ITPR1: variants seen among roughly 807,000 people sequenced by gnomAD.
ITPR1 encodes inositol 1,4,5-trisphosphate receptor type 1, also known as inositol 1,4,5-trisphosphate-gated calcium channel ITPR1.
ITPR1 carries 96 observed loss-of-function variants against 318.4 expected under a neutral mutation model. That is an observed-to-expected ratio of 0.30 (90% CI 0.26 to 0.36). The LOEUF is 0.36. Among genes scored for constraint, ITPR1 ranks in the 10% least tolerant of loss-of-function variants. The probability of loss-of-function intolerance (pLI) is 1.00; values close to 1 mark genes in which losing one functional copy is unlikely to be tolerated. For synonymous variants in ITPR1, 1,312 were observed against 1,289.9 expected (o/e 1.02, Z -0.37); for missense variants, 2,440 against 3,460.2 (o/e 0.71, Z 7.40).
At chr3:4,641,117 T>C (rs1481432443) in intron 6 of ITPR1, among the ~76,000 whole-genome samples, 2 of 152,214 alleles carry the variant, frequency 1.3e-5, no homozygotes, top group African/African-American at 4.8e-5. Flanking sequence ...TGGAGTCTTT[T>C]GCTGGTTGTA....
intron 44 of ITPR1, among the ~76,000 whole-genome samples, chr3:4,737,780 G>A (rs1163887594): frequency 6.6e-6 from 1 of 152,210 alleles, no homozygotes; most frequent in Non-Finnish European, 1.5e-5. Context: ...TTCATATCTT[G>A]GGAGAGGATA....
rs748915892 is a variant in ITPR1 at position 4,697,067 on chromosome 3, C to T, written c.4282-80C>T. 1.5e-5 allele frequency: 20 copies of T among 1,332,026 alleles called. No homozygotes were observed. In the Admixed American group the frequency reaches 2.5e-4, roughly 17 times the overall value. 82.5% of individuals were successfully genotyped at this position (1,332,026 alleles called of 1,614,324 possible). On this transcript the variant is annotated intron_variant, in intron 33 of 61. Transcript: ENST00000649015. ...AATGGGATGACCATTTTCATCGGTCCTTGCTGTGAAGTTGAGGCAGCTAAT... is the reference window on the plus strand; with the variant it reads ...AATGGGATGACCATTTTCATCGGTCTTTGCTGTGAAGTTGAGGCAGCTAAT...
intron 52 of ITPR1, among the ~76,000 whole-genome samples, chr3:4,791,204 CTTCTTTTTGCT>C (rs2047531532): frequency 1.3e-5 from 2 of 152,206 alleles, no homozygotes; most frequent in Admixed American, 1.3e-4. Flanking sequence ...CACAGCACTC[CTTCTTTTTGCT>C]ATAATGTAGC....
Position 4,582,646 on chromosome 3 carries a change from C to G in ITPR1, c.164-45117C>G, listed in dbSNP as rs17040959. Reference sequence around the variant, plus strand: ...GAGGATTCATTCTGGAACAGACTAGCAATTGACTGGACAACGTATTCTTTC... The same window carrying G: ...GAGGATTCATTCTGGAACAGACTAGGAATTGACTGGACAACGTATTCTTTC... On this transcript the variant is annotated intron_variant, in intron 4 of 61. Coordinates refer to ENST00000649015, the MANE Select transcript of ITPR1 (RefSeq NM_001378452.1). Among the ~76,000 whole-genome samples the G allele has an allele frequency of 9.3e-3, 1,422 of 152,328 alleles. 13 individuals are homozygous for G. Among genetic ancestry groups the G allele is most frequent in the Non-Finnish European group, 0.015 (1,048 of 68,032 alleles).
rs56096727 is a variant in ITPR1, at chr3:4,840,029, CTTTTTTTTTTTTTTTTTT to C, written c.8190+3106_8190+3123del. On this transcript the variant is annotated intron_variant, in intron 61 of 61. Coordinates refer to ENST00000649015, the MANE Select transcript of ITPR1 (RefSeq NM_001378452.1). ...TTACAGGAAAAATTCAGCATAGCTGCTTTTTTTTTTTTTTTTTTTTTTTTTTTTTGAGGGGGCAGGGGG... is the reference window on the plus strand; with the variant it reads ...TTACAGGAAAAATTCAGCATAGCTGCTTTTTTTTTTTGAGGGGGCAGGGGG... Among the ~76,000 whole-genome samples the C allele has an allele frequency of 6.2e-4, 65 of 104,904 alleles. 1 individual carries two copies. The highest frequency in any genetic ancestry group is 2.4e-3 in the African/African-American group (59 of 24,950). 68.8% of individuals were successfully genotyped at this position (104,904 alleles called of 152,430 possible).
At chr3:4,557,819 TA>T (rs1300756480) in intron 4 of ITPR1, among the ~76,000 whole-genome samples, 1 of 152,210 alleles carries the variant, frequency 6.6e-6, no homozygotes, top group Non-Finnish European at 1.5e-5. Context: ...AATGTAAATG[TA>T]ATTAGAGTTT....
intron 44 of ITPR1, among the ~76,000 whole-genome samples, chr3:4,757,517 G>A (rs1431225316): frequency 1.3e-5 from 2 of 152,184 alleles, no homozygotes; most frequent in Admixed American, 1.3e-4. Flanking sequence ...GTTCAGAACA[G>A]GACAGACTCT....
At chr3:4,601,067 T>A (rs1394153796) in intron 4 of ITPR1, among the ~76,000 whole-genome samples, 1 of 152,106 alleles carries the variant, frequency 6.6e-6, no homozygotes, top group Non-Finnish European at 1.5e-5. Flanking sequence ...GGAGAGGGTT[T>A]GGTAGACATG....
intron 4 of ITPR1, among the ~76,000 whole-genome samples, chr3:4,609,520 C>T (rs1013346613): frequency 2.0e-5 from 3 of 152,030 alleles, no homozygotes; most frequent in African/African-American, 4.8e-5. Flanking sequence ...ATTAGGGGTA[C>T]GTTGAATATG....
intron 44 of ITPR1, among the ~76,000 whole-genome samples, chr3:4,755,853 G>A (rs1438028236): frequency 2.6e-5 from 4 of 152,168 alleles, no homozygotes; most frequent in Admixed American, 2.6e-4. Flanking sequence ...TCAGACAAAT[G>A]AAATTGAAAT....
chr3:4,838,420 C>T (rs987788421), intron 61 of ITPR1, among the ~76,000 whole-genome samples: 1 of 150,892 alleles, frequency 6.6e-6, no homozygotes, highest in Non-Finnish European at 1.5e-5. Flanking sequence ...TCTGGCACTG[C>T]CCCCCCAACC....
intron 44 of ITPR1, among the ~76,000 whole-genome samples, chr3:4,749,003 G>A (rs1010772805): frequency 1.3e-5 from 2 of 152,220 alleles, no homozygotes; most frequent in African/African-American, 4.8e-5. Context: ...TTGGCTGACA[G>A]ATGGGCTGAT....
intron 44 of ITPR1, among the ~76,000 whole-genome samples, chr3:4,762,760 G>A (rs2045540668): frequency 6.6e-6 from 1 of 152,152 alleles, no homozygotes; most frequent in Non-Finnish European, 1.5e-5. Context: ...CCTCTGTTAA[G>A]AAACACCTTC....
chr3:4,578,908 C>T (rs556979480), intron 4 of ITPR1, among the ~76,000 whole-genome samples: 1 of 152,268 alleles, frequency 6.6e-6, no homozygotes, highest in East Asian at 1.9e-4. Context: ...AGAGAGGGGG[C>T]CCCACAGGGT....
At chr3:4,650,997 T>G (rs1203432278) in intron 10 of ITPR1, among the ~76,000 whole-genome samples, 1 of 152,170 alleles carries the variant, frequency 6.6e-6, no homozygotes, top group Admixed American at 6.5e-5. Context: ...AAGGCTTATT[T>G]TCAAGCTTTA....
chr3:4,766,577 C>G lies in ITPR1; in HGVS notation c.5592C>G (p.Phe1864Leu). The change falls in exon 45 of 62, where the codon TTC becomes TTG. Residue 1864 changes from phenylalanine to leucine, a missense_variant. By Grantham distance (22) the Phe-to-Leu change is conservative. This residue lies in a region of ITPR1 where 80 missense variants were observed against 122.0 expected (regional missense o/e 0.66). Coordinates refer to ENST00000649015, the MANE Select transcript of ITPR1 (RefSeq NM_001378452.1). ...RLTEDKKSEK[F>L]FKVFYDRMKV... ...CAGAAGATAAGAAGTCAGAGAAATTCTTTAAGGTGTTTTATGACCGGATGA... is the reference window on the plus strand; with the variant it reads ...CAGAAGATAAGAAGTCAGAGAAATTGTTTAAGGTGTTTTATGACCGGATGA... 1 of 1,613,740 alleles carries G rather than the reference C, an allele frequency of 6.2e-7. No homozygotes were observed. The highest frequency in any genetic ancestry group is 1.7e-5 in the Admixed American group (1 of 59,998).
At chr3:4,532,576 G>T (rs971132837) in intron 4 of ITPR1, among the ~76,000 whole-genome samples, 2 of 152,120 alleles carry the variant, frequency 1.3e-5, no homozygotes, top group Non-Finnish European at 2.9e-5. Context: ...TCGCCACGTT[G>T]CCCAGGCTGG....
intron 44 of ITPR1, among the ~76,000 whole-genome samples, chr3:4,738,170 T>A (rs1300836883): frequency 1.3e-5 from 2 of 152,112 alleles, no homozygotes; most frequent in African/African-American, 4.8e-5. Flanking sequence ...GACACAAGCT[T>A]ACCTATGTAA....
rs192261749 is a variant in ITPR1, at chr3:4,697,062, C to T, written c.4282-85C>T. ...TGGGGAATGGGATGACCATTTTCAT[C>T]GGTCCTTGCTGTGAAGTTGAGGCAG... On this transcript the variant is annotated intron_variant, in intron 33 of 61. Transcript: ENST00000649015. The T allele has an allele frequency of 6.1e-5, 75 of 1,225,392 alleles. No individual in the cohort carries two copies. The East Asian group carries it at 1.1e-3, about 18-fold the overall frequency. The allele number at this position is 1,225,392 out of a possible 1,614,324, so 75.9% of individuals were successfully genotyped here. A position where few individuals can be genotyped will look rare whatever the true frequency, so the allele number is the denominator to read the frequency against.
Sources: allele counts gnomAD v4.1 joint callset (sites outside exome capture counted in the v4.1 genomes callset), GRCh38; gene constraint gnomAD v4.1.1; regional missense constraint gnomAD v4.1.1; transcripts MANE v1.5; gene names NCBI Gene and HGNC (gene_info 2026-07-23, HGNC 2026-07-21).